The following SBF2 variants were observed in gnomAD, a reference collection of about 807,000 sequenced individuals.
SBF2 encodes the protein myotubularin-related protein 13.
A neutral mutation model predicts 225.2 loss-of-function variants in SBF2; 112 were observed. The observed-to-expected ratio is 0.50, with a 90% CI of 0.43 to 0.58. SBF2 has a LOEUF of 0.58. SBF2 is among the 20% of genes least tolerant of loss of function. The pLI, the probability that SBF2 is intolerant of heterozygous loss-of-function variation, is 0.00. For missense variants in SBF2, 1,996 were observed against 2,206.2 expected (o/e 0.90, Z 1.91); for synonymous variants, 763 against 773.3 (o/e 0.99, Z 0.22).
At chr11:10,022,608 A>C in intron 6 of SBF2, among the ~76,000 whole-genome samples, 2 of 147,452 alleles carry the variant, frequency 1.4e-5, no homozygotes, top group African/African-American at 4.9e-5. Flanking sequence ...CCACCCCCCC[A>C]TCATAATCTC....
At chr11:10,277,569 C>A (rs181413481) in intron 1 of SBF2, among the ~76,000 whole-genome samples, 5 of 152,268 alleles carry the variant, frequency 3.3e-5, no homozygotes, top group Admixed American at 3.3e-4. Flanking sequence ...CAAAAATTCA[C>A]GTCCATCAGA....
Position 9,896,150 on chromosome 11 carries a change from G to A in SBF2, c.1861-139C>T. On this transcript the variant is annotated intron_variant, in intron 16 of 39. Transcript: ENST00000256190. ...TATTTTGCAGAGGACCTGACGGAGG[G>A]GTTTGTACTCTTATTCCAAATTGCC... 4 of 708,388 alleles carry A rather than the reference G, an allele frequency of 5.6e-6. No homozygotes were observed. In the South Asian group the frequency reaches 5.9e-5, roughly 10 times the overall value. The allele number at this position is 708,388 out of a possible 1,614,324, so 43.9% of individuals were successfully genotyped here. A position where few individuals can be genotyped will look rare whatever the true frequency, so the allele number is the denominator to read the frequency against.
At chr11:10,050,398 C>G (rs1950016351) in intron 2 of SBF2, among the ~76,000 whole-genome samples, 1 of 151,902 alleles carries the variant, frequency 6.6e-6, no homozygotes, top group South Asian at 2.1e-4. Flanking sequence ...AATACCGAAC[C>G]CTGTATGTAC....
intron 1 of SBF2, among the ~76,000 whole-genome samples, chr11:10,299,919 A>C (rs1964579084): frequency 6.6e-6 from 1 of 152,162 alleles, no homozygotes; most frequent in African/African-American, 2.4e-5. Context: ...ACCATAAATA[A>C]AGTGCAAAAT....
At chr11:10,125,542 T>C (rs12806794) in intron 2 of SBF2, among the ~76,000 whole-genome samples, 1 of 152,210 alleles carries the variant, frequency 6.6e-6, no homozygotes, top group Non-Finnish European at 1.5e-5. Context: ...CTGTCTGTCA[T>C]ATCTTTAACA....
intron 2 of SBF2, among the ~76,000 whole-genome samples, chr11:10,084,231 G>A (rs1951470160): frequency 1.3e-5 from 2 of 151,882 alleles, no homozygotes; most frequent in African/African-American, 2.4e-5. Flanking sequence ...TCCTGCACAT[G>A]TATCCTGGAA....
At chr11:9,786,165 C>G (rs1852359913) in intron 36 of SBF2, among the ~76,000 whole-genome samples, 1 of 152,124 alleles carries the variant, frequency 6.6e-6, no homozygotes, top group African/African-American at 2.4e-5. Context: ...CTGGCAGACA[C>G]TGGTTTATAC....
intron 28 of SBF2, among the ~76,000 whole-genome samples, chr11:9,817,272 T>C (rs1372336040): frequency 6.6e-6 from 1 of 152,168 alleles, no homozygotes; most frequent in East Asian, 1.9e-4. Context: ...CTATTTTATA[T>C]TTTGATGTAA....
intron 10 of SBF2, among the ~76,000 whole-genome samples, chr11:9,993,509 T>C (rs190121252): frequency 1.4e-3 from 207 of 152,364 alleles, no homozygotes; most frequent in African/African-American, 4.7e-3. Flanking sequence ...ATTGAAACTA[T>C]TTTCATCCAC....
At chr11:10,214,922 G>A (rs1284787278) in intron 1 of SBF2, among the ~76,000 whole-genome samples, 2 of 152,114 alleles carry the variant, frequency 1.3e-5, no homozygotes, top group African/African-American at 4.8e-5. Context: ...AAAATCTTTG[G>A]AAAAAGTAGA....
At chr11:9,973,291 C>T (rs1203269700) in intron 13 of SBF2, among the ~76,000 whole-genome samples, 4 of 152,202 alleles carry the variant, frequency 2.6e-5, no homozygotes, top group African/African-American at 9.6e-5. Context: ...TTAAAAGCTA[C>T]AGCCAAATTT....
At chr11:10,232,978 G>T (rs535249235) in intron 1 of SBF2, among the ~76,000 whole-genome samples, 2 of 152,280 alleles carry the variant, frequency 1.3e-5, no homozygotes, top group Admixed American at 1.3e-4. Flanking sequence ...GTACAAATTT[G>T]CCATCTGCAT....
At chr11:9,875,889 C>T (rs1044911163) in intron 17 of SBF2, among the ~76,000 whole-genome samples, 2 of 151,098 alleles carry the variant, frequency 1.3e-5, no homozygotes, top group Non-Finnish European at 3.0e-5. Context: ...AAACACATAA[C>T]ACTCGTTAAA....
intron 1 of SBF2, among the ~76,000 whole-genome samples, chr11:10,262,900 C>T (rs1216642364): frequency 1.3e-5 from 2 of 151,844 alleles, no homozygotes; most frequent in Non-Finnish European, 2.9e-5. Flanking sequence ...GATTCTTTAC[C>T]TGAGGATAAA....
At chr11:10,248,133 T>C (rs1186977032) in intron 1 of SBF2, among the ~76,000 whole-genome samples, 2 of 152,168 alleles carry the variant, frequency 1.3e-5, no homozygotes, top group East Asian at 1.9e-4. Flanking sequence ...ACCTGTGAAA[T>C]TACCCATGCC....
intron 2 of SBF2, among the ~76,000 whole-genome samples, chr11:10,117,153 G>A (rs1953178877): frequency 6.6e-6 from 1 of 152,064 alleles, no homozygotes. Flanking sequence ...CAAAAGATAT[G>A]TATCAGGCCG....
intron 2 of SBF2, among the ~76,000 whole-genome samples, chr11:10,083,489 G>T (rs1951442615): frequency 6.6e-6 from 1 of 152,016 alleles, no homozygotes; most frequent in African/African-American, 2.4e-5. Flanking sequence ...AATTACACAA[G>T]GCTATAATAA....
intron 2 of SBF2, among the ~76,000 whole-genome samples, chr11:10,127,032 G>C (rs1953788971): frequency 6.6e-6 from 1 of 151,998 alleles, no homozygotes; most frequent in Non-Finnish European, 1.5e-5. Flanking sequence ...AGGAGGTAGG[G>C]GCAAAGGGAA....
At chr11:9,862,694 C>T (rs1174657733) in intron 17 of SBF2, among the ~76,000 whole-genome samples, 1 of 152,038 alleles carries the variant, frequency 6.6e-6, no homozygotes, top group East Asian at 1.9e-4. Context: ...AAATAAGCAT[C>T]TATGGATAAA....
Sources: gnomAD v4.1 joint callset for allele counts (sites outside exome capture counted in the v4.1 genomes callset) on GRCh38, gnomAD v4.1.1 for gene constraint, MANE v1.5 for transcripts, NCBI Gene and HGNC (gene_info 2026-07-23, HGNC 2026-07-21) for gene names.